The following KCNMB2 variants were observed in gnomAD, a reference collection of about 807,000 sequenced individuals.
The protein encoded by KCNMB2 is calcium-activated potassium channel subunit beta-2.
Under a neutral mutation model 24.5 loss-of-function variants are expected in KCNMB2, and 9 were observed. That is an observed-to-expected ratio of 0.37 (90% CI 0.22 to 0.64). The LOEUF (loss-of-function observed/expected upper bound fraction) is 0.64, where lower values mean the gene tolerates loss of function less well. Among genes scored for constraint, KCNMB2 ranks in the 30% least tolerant of loss-of-function variants. The pLI, the probability that KCNMB2 is intolerant of heterozygous loss-of-function variation, is 0.63. For synonymous variants in KCNMB2, 109 were observed against 104.4 expected (o/e 1.04, Z -0.27); for missense variants, 226 against 284.3 (o/e 0.79, Z 1.47).
rs1296607666 is a variant in KCNMB2, at chr3:178,844,330, C to T, written c.*1393C>T. On this transcript the variant is annotated 3_prime_UTR_variant, in exon 5 of 5. Transcript: ENST00000452583. ...TCTGATGAAATGGAAAATTATTCTG[C>T]AATATTGTAATTCATAGTTTGACTT... The T allele has an allele frequency of 6.6e-6, 1 of 152,288 alleles. No individual in the cohort carries two copies. The allele number at this position is 152,288 out of a possible 1,614,324, so 9.4% of individuals were successfully genotyped here.
At chr3:178,778,458 A>ACATGCG (rs1553777050) in intron 1 of KCNMB2, among the ~76,000 whole-genome samples, 1 of 37,048 alleles carries the variant, frequency 2.7e-5, no homozygotes, top group Non-Finnish European at 4.8e-5. Context: ...CCTTTAAGAC[A>ACATGCG]CACACACACA....
chr3:178,698,547 T>C (rs952533632), intron 1 of KCNMB2, among the ~76,000 whole-genome samples: 1 of 152,220 alleles, frequency 6.6e-6, no homozygotes, highest in East Asian at 1.9e-4. Flanking sequence ...CTTCATTGCA[T>C]TGGGTTTCAA....
At chr3:178,641,817 A>G (rs903754725) in intron 1 of KCNMB2, among the ~76,000 whole-genome samples, 1 of 152,100 alleles carries the variant, frequency 6.6e-6, no homozygotes, top group Admixed American at 6.6e-5. Context: ...TTTCAAGTTG[A>G]GAAAGTTCCT....
At chr3:178,828,778 G>C (rs1422768818) in intron 4 of KCNMB2, among the ~76,000 whole-genome samples, 1 of 152,112 alleles carries the variant, frequency 6.6e-6, no homozygotes, top group Non-Finnish European at 1.5e-5. Flanking sequence ...ATTTAGTTCT[G>C]TGACCTCAGG....
intron 1 of KCNMB2, among the ~76,000 whole-genome samples, chr3:178,587,169 T>G (rs1027199082): frequency 3.3e-5 from 5 of 152,300 alleles, no homozygotes; most frequent in African/African-American, 1.2e-4. Flanking sequence ...ATTCCTCTTT[T>G]GTTATTAAAT....
At chr3:178,550,114 A>T (rs1034897621) in intron 1 of KCNMB2, among the ~76,000 whole-genome samples, 10 of 152,046 alleles carry the variant, frequency 6.6e-5, no homozygotes, top group Non-Finnish European at 1.2e-4. Flanking sequence ...AGACTTTGCA[A>T]CCCCAAGGAG....
chr3:178,601,776 A>G (rs906198710), intron 1 of KCNMB2, among the ~76,000 whole-genome samples: 11 of 152,204 alleles, frequency 7.2e-5, no homozygotes, highest in Non-Finnish European at 1.6e-4. Flanking sequence ...TTTCCATGTT[A>G]GTACACAGGG....
chr3:178,656,362 A>T (rs1370207144), intron 1 of KCNMB2, among the ~76,000 whole-genome samples: 1 of 152,220 alleles, frequency 6.6e-6, no homozygotes, highest in Non-Finnish European at 1.5e-5. Context: ...ATTCCTATAA[A>T]GTAGAAATTA....
At chr3:178,557,115 AC>A (rs1716150588) in intron 1 of KCNMB2, among the ~76,000 whole-genome samples, 2 of 152,194 alleles carry the variant, frequency 1.3e-5, no homozygotes, top group African/African-American at 4.8e-5. Context: ...CTGGTTATCA[AC>A]CCTTTCTTAA....
intron 1 of KCNMB2, among the ~76,000 whole-genome samples, chr3:178,568,773 T>TGATA (rs5854804): frequency 0.027 from 3,090 of 115,930 alleles, 97 homozygotes; most frequent in East Asian, 0.048. Flanking sequence ...GATAGATAGA[T>TGATA]GATAGATAGA....
chr3:178,707,015 A>G (rs913277504), intron 1 of KCNMB2, among the ~76,000 whole-genome samples: 3 of 152,148 alleles, frequency 2.0e-5, no homozygotes, highest in Non-Finnish European at 4.4e-5. Flanking sequence ...TAATAAATAT[A>G]TATACATATA....
At chr3:178,755,000 G>A (rs1238212681) in intron 1 of KCNMB2, among the ~76,000 whole-genome samples, 1 of 152,226 alleles carries the variant, frequency 6.6e-6, no homozygotes, top group African/African-American at 2.4e-5. Context: ...TTAAAGCTCA[G>A]TGCAGAGCAG....
Position 178,696,849 on chromosome 3 carries a change from CTT to C in KCNMB2, c.-67-110491_-67-110490del, listed in dbSNP as rs1721897002. Among the ~76,000 whole-genome samples, 3 of 47,202 alleles carry C rather than the reference CTT, an allele frequency of 6.4e-5. No individual in the cohort carries two copies. The East Asian group carries it at 1.5e-3, about 23-fold the overall frequency. 31.0% of individuals were successfully genotyped at this position (47,202 alleles called of 152,430 possible). On this transcript the variant is annotated intron_variant, in intron 1 of 4. Coordinates refer to ENST00000452583, the MANE Select transcript of KCNMB2 (RefSeq NM_181361.3). ...ATATTATTTACCAAAAAGTAAATTACTTTTACCAAATAGTAAACAATGAAATT... is the reference window on the plus strand; with the variant it reads ...ATATTATTTACCAAAAAGTAAATTACTTACCAAATAGTAAACAATGAAATT...
intron 1 of KCNMB2, among the ~76,000 whole-genome samples, chr3:178,710,996 C>G (rs1722434323): frequency 6.6e-6 from 1 of 152,140 alleles, no homozygotes; most frequent in Non-Finnish European, 1.5e-5. Context: ...AAGGAGATTG[C>G]TATCAAGGGG....
chr3:178,734,880 T>C (rs551810399), intron 1 of KCNMB2, among the ~76,000 whole-genome samples: 3 of 152,242 alleles, frequency 2.0e-5, no homozygotes, highest in Non-Finnish European at 4.4e-5. Flanking sequence ...CTCACTAACG[T>C]TCATATTCAA....
chr3:178,706,089 C>T (rs1315630101), intron 1 of KCNMB2, among the ~76,000 whole-genome samples: 1 of 152,070 alleles, frequency 6.6e-6, no homozygotes, highest in African/African-American at 2.4e-5. Context: ...CAAGGCTGAA[C>T]ATGAATAACC....
chr3:178,760,465 A>G (rs1220585481), intron 1 of KCNMB2, among the ~76,000 whole-genome samples: 1 of 139,016 alleles, frequency 7.2e-6, no homozygotes, highest in East Asian at 2.0e-4. Flanking sequence ...TCCATATCCA[A>G]GATATATATA....
At chr3:178,630,219 G>T (rs952655557) in intron 1 of KCNMB2, among the ~76,000 whole-genome samples, 4 of 152,150 alleles carry the variant, frequency 2.6e-5, no homozygotes, top group African/African-American at 9.7e-5. Flanking sequence ...GGTATCAAAG[G>T]ATGGCTTGCT....
At chr3:178,730,888 C>G (rs1368812548) in intron 1 of KCNMB2, among the ~76,000 whole-genome samples, 1 of 152,134 alleles carries the variant, frequency 6.6e-6, no homozygotes, top group Non-Finnish European at 1.5e-5. Context: ...TCCCTGACTA[C>G]ACAATCTAAA....
Sources: allele counts gnomAD v4.1 joint callset (sites outside exome capture counted in the v4.1 genomes callset), GRCh38; gene constraint gnomAD v4.1.1; transcripts MANE v1.5; gene names NCBI Gene and HGNC (gene_info 2026-07-23, HGNC 2026-07-21).